HPR: variants seen among roughly 807,000 people sequenced by gnomAD.
HPR encodes haptoglobin-related protein, also known as Haptoglobin-related locus.
Under a neutral mutation model 18.5 loss-of-function variants are expected in HPR, and 17 were observed. The ratio of observed to expected loss-of-function variants is 0.92; its 90% CI spans 0.63 to 1.38. HPR has a LOEUF of 1.38. Among genes scored for constraint, HPR ranks in the 40% most tolerant of loss-of-function variants. The probability of loss-of-function intolerance (pLI) is 0.00; values close to 1 mark genes in which losing one functional copy is unlikely to be tolerated. For synonymous variants in HPR, 176 were observed against 165.0 expected (o/e 1.07, Z -0.51); for missense variants, 457 against 432.4 (o/e 1.06, Z -0.51).
chr16:72,067,640 C>T lies in HPR; in HGVS notation c.5+4380C>T, dbSNP rs78181699. 2.7e-3 allele frequency among the ~76,000 whole-genome samples: 407 copies of T among 152,220 alleles called. 10 individuals carry two copies. The East Asian group carries it at 0.045, about 17-fold the overall frequency. ...CCAATCCACATCAAGCTAAACACCC[C>T]GCACTGGGAAGTAGTGAGGAGGAAG... On this transcript the variant is annotated intron_variant, in intron 1 of 4. Coordinates refer to ENST00000540303, the MANE Select transcript of HPR (RefSeq NM_020995.4).
At chr16:72,063,899 C>T (rs1361913535) in intron 1 of HPR, among the ~76,000 whole-genome samples, 7 of 152,082 alleles carry the variant, frequency 4.6e-5, no homozygotes, top group Non-Finnish European at 8.8e-5. Flanking sequence ...TGTGCCACCA[C>T]GCCCAGCTAA....
rs1405478219 is a variant in HPR at position 72,077,067 on chromosome 16, A to G, written c.1033A>G (p.Ile345Val). The change falls in exon 5 of 5, where the codon ATA becomes GTA. Residue 345 changes from isoleucine to valine, a missense_variant. Physicochemically the swap from Ile to Val is conservative, Grantham distance 29. Transcript: ENST00000540303. ...CATCCAGCACTGGGTTCAGAAGACC[A>G]TAGCTGAGAACTAATGCAAGGCTGG... ...TSIQHWVQKT[I>V]AEN The G allele has an allele frequency of 6.2e-7, 1 of 1,612,234 alleles. No individual in the cohort carries two copies.
chr16:72,073,946 G>C lies in HPR; in HGVS notation c.60G>C (p.Leu20=), dbSNP rs767678228. 1.9e-6 allele frequency: 3 copies of C among 1,614,024 alleles called. No homozygotes were observed. The highest frequency in any genetic ancestry group is 2.5e-6 in the Non-Finnish European group (3 of 1,179,986). Residue 20 remains leucine, a synonymous_variant, in exon 2 of 5, where the codon CTG becomes CTC. Coordinates refer to ENST00000540303, the MANE Select transcript of HPR (RefSeq NM_020995.4). ...TCTGGGGACGACAGCTTTTTGCACT[G>C]TACTCAGGCAATGATGTCACGGATA... ...LLLWGRQLFA[L]YSGNDVTDIS...
At chr16:72,065,797 G>A (rs1206698521) in intron 1 of HPR, among the ~76,000 whole-genome samples, 1 of 152,090 alleles carries the variant, frequency 6.6e-6, no homozygotes, top group Non-Finnish European at 1.5e-5. Flanking sequence ...GGAAGAATCC[G>A]ATCCAGCATC....
intron 1 of HPR, among the ~76,000 whole-genome samples, chr16:72,063,533 G>A (rs1439607702): frequency 2.6e-5 from 4 of 152,080 alleles, no homozygotes; most frequent in Non-Finnish European, 4.4e-5. Flanking sequence ...ATCAGCTCCC[G>A]TGGTAGGCTT....
At chr16:72,071,909 G>C (rs564075660) in intron 1 of HPR, among the ~76,000 whole-genome samples, 2 of 152,274 alleles carry the variant, frequency 1.3e-5, no homozygotes, top group African/African-American at 4.8e-5. Context: ...ATGAATTTAA[G>C]GCCCAAAATC....
Position 72,076,585 on chromosome 16 carries a change from A to G in HPR, c.551A>G (p.Tyr184Cys). The change falls in exon 5 of 5, where the codon TAC becomes TGC. Residue 184 changes from tyrosine to cysteine, a missense_variant. Physicochemically the swap from Tyr to Cys is radical, Grantham distance 194. Transcript: ENST00000540303. ...GAGAAGGTGGTTCTACACCCTAACT[A>G]CCACCAGGTAGATATTGGGCTCATC... is the stretch of plus-strand genomic sequence containing the variant. Reference protein sequence around the residue: ...EIEKVVLHPNYHQVDIGLIKL... With the variant: ...EIEKVVLHPNCHQVDIGLIKL... 6.2e-7 allele frequency: 1 copy of G among 1,614,174 alleles called. No individual in the cohort carries two copies. Among genetic ancestry groups the G allele is most frequent in the Non-Finnish European group, 8.5e-7 (1 of 1,180,042 alleles).
chr16:72,070,526 C>T (rs184132329), intron 1 of HPR, among the ~76,000 whole-genome samples: 6 of 152,286 alleles, frequency 3.9e-5, no homozygotes, highest in East Asian at 3.9e-4. Flanking sequence ...ATCACACCCG[C>T]GTCAAAAAGG....
At chr16:72,069,065 A>C (rs1416156622) in intron 1 of HPR, among the ~76,000 whole-genome samples, 1 of 152,212 alleles carries the variant, frequency 6.6e-6, no homozygotes, top group African/African-American at 2.4e-5. Flanking sequence ...GTATAAGAAC[A>C]GAGTCAAGAA....
At chr16:72,073,767 T>G in intron 1 of HPR, 125 bp from the exon 2 acceptor site, 1 of 1,579,114 alleles carries the variant, frequency 6.3e-7, no homozygotes. Flanking sequence ...GTGGGAGGAG[T>G]GTGTGTGTAT....
At chr16:72,068,230 G>A (rs940611205) in intron 1 of HPR, among the ~76,000 whole-genome samples, 14 of 152,102 alleles carry the variant, frequency 9.2e-5, no homozygotes, top group Non-Finnish European at 2.1e-4. Flanking sequence ...GAGGGGTTAC[G>A]GGTCTCAAAG....
intron 1 of HPR, among the ~76,000 whole-genome samples, chr16:72,072,539 T>A (rs1228721022): frequency 6.6e-6 from 1 of 152,174 alleles, no homozygotes; most frequent in Non-Finnish European, 1.5e-5. Context: ...TCAAATGAGC[T>A]AGCCAAAAAT....
Position 72,075,286 on chromosome 16 carries a change from C to T in HPR, c.268+67C>T, listed in dbSNP as rs575730496. ...TCCAGCGGGGAACGTCCTAGAGGCA[C>T]AGCCTTCCAGTGCGGCTTCCTCTGA... On this transcript the variant is annotated intron_variant, in intron 4 of 4. Coordinates refer to ENST00000540303, the MANE Select transcript of HPR (RefSeq NM_020995.4). The T allele has an allele frequency of 4.9e-6, 4 of 822,466 alleles. No individual in the cohort carries two copies. In the East Asian group the frequency reaches 1.1e-4, roughly 22 times the overall value. The allele number at this position is 822,466 out of a possible 1,614,324, so 50.9% of individuals were successfully genotyped here. A position where few individuals can be genotyped will look rare whatever the true frequency, so the allele number is the denominator to read the frequency against.
Position 72,076,562 on chromosome 16 carries a change from G to A in HPR, c.528G>A (p.Glu176=). The change falls in exon 5 of 5, where the codon GAG becomes GAA. Residue 176 remains glutamate (E), a synonymous_variant. Transcript: ENST00000540303. ...YVGKKQLVEI[E]KVVLHPNYHQ... Reference sequence around the variant, plus strand: ...GGAAAAAGCAGCTTGTAGAGATTGAGAAGGTGGTTCTACACCCTAACTACC... The same window carrying A: ...GGAAAAAGCAGCTTGTAGAGATTGAAAAGGTGGTTCTACACCCTAACTACC... The A allele has an allele frequency of 6.2e-7, 1 of 1,614,214 alleles. No homozygotes were observed.
chr16:72,075,672 G>A (rs1443275921), intron 4 of HPR, among the ~76,000 whole-genome samples: 1 of 152,188 alleles, frequency 6.6e-6, no homozygotes, highest in African/African-American at 2.4e-5. Context: ...AGAGGCAAAG[G>A]CCCAGCCTCT....
intron 1 of HPR, among the ~76,000 whole-genome samples, chr16:72,072,702 C>T (rs988277114): frequency 6.6e-5 from 10 of 152,130 alleles, no homozygotes; most frequent in African/African-American, 2.4e-4. Context: ...AGGATTAATA[C>T]AAAAGCTCAT....
chr16:72,074,418 C>T lies in HPR; in HGVS notation c.193+33C>T, dbSNP rs534386727. On this transcript the variant is annotated intron_variant, in intron 3 of 4. Transcript: ENST00000540303. The stretch of plus-strand genomic sequence containing the variant: ...CTGGACAACTATCTCTGTGCTCTAC[C>T]TACAACCCCTGCTCTGACATTTCCA... 13 of 1,513,074 alleles carry T rather than the reference C, an allele frequency of 8.6e-6. No individual in the cohort carries two copies. The South Asian group carries it at 1.2e-4, about 14-fold the overall frequency. 93.7% of individuals were successfully genotyped at this position (1,513,074 alleles called of 1,614,324 possible). A position where few individuals can be genotyped will look rare whatever the true frequency, so the allele number is the denominator to read the frequency against.
chr16:72,074,419 T>C, intron 3 of HPR, 34 bp downstream of exon 3: 1 of 1,512,404 alleles, frequency 6.6e-7, no homozygotes, highest in Non-Finnish European at 9.2e-7. Flanking sequence ...GTGCTCTACC[T>C]ACAACCCCTG....
chr16:72,069,215 T>G (rs936491173), intron 1 of HPR, among the ~76,000 whole-genome samples: 1 of 152,124 alleles, frequency 6.6e-6, no homozygotes, highest in African/African-American at 2.4e-5. Context: ...TTGGAAAAAG[T>G]TGGACTGAAT....
Sources: allele counts gnomAD v4.1 joint callset (sites outside exome capture counted in the v4.1 genomes callset), GRCh38; gene constraint gnomAD v4.1.1; transcripts MANE v1.5; gene names NCBI Gene and HGNC (gene_info 2026-07-23, HGNC 2026-07-21).